Variants in SEMA5A observed in about 807,000 individuals in gnomAD.
The protein encoded by SEMA5A is semaphorin 5A, also known as semaphorin-5A.
SEMA5A carries 55 observed loss-of-function variants against 135.5 expected under a neutral mutation model. That is an observed-to-expected ratio of 0.41 (90% CI 0.33 to 0.51). The LOEUF (loss-of-function observed/expected upper bound fraction) is 0.51, where lower values mean the gene tolerates loss of function less well. Among genes scored for constraint, SEMA5A ranks in the 20% least tolerant of loss-of-function variants. The pLI is 0.37. For missense variants in SEMA5A, 1,290 were observed against 1,419.9 expected (o/e 0.91, Z 1.47); for synonymous variants, 580 against 546.5 (o/e 1.06, Z -0.85).
At chr5:9,376,467 C>G (rs1239969915) in intron 3 of SEMA5A, among the ~76,000 whole-genome samples, 1 of 152,178 alleles carries the variant, frequency 6.6e-6, no homozygotes, top group Non-Finnish European at 1.5e-5. Flanking sequence ...CTTTTTCAAC[C>G]ACCGTCCTAC....
intron 2 of SEMA5A, among the ~76,000 whole-genome samples, chr5:9,436,712 G>A (rs972760789): frequency 7.9e-5 from 12 of 152,200 alleles, no homozygotes; most frequent in African/African-American, 2.9e-4. Context: ...AACAATGGTA[G>A]TGTCTTTGCA....
chr5:9,082,245 G>A (rs1056564981), intron 16 of SEMA5A, among the ~76,000 whole-genome samples: 2 of 152,148 alleles, frequency 1.3e-5, no homozygotes, highest in Non-Finnish European at 2.9e-5. Context: ...TCTGCCCAAT[G>A]TAAACAGAAT....
intron 1 of SEMA5A, among the ~76,000 whole-genome samples, chr5:9,509,159 A>AGAG (rs4002390): frequency 0.97 from 147,852 of 152,116 alleles, 72,081 homozygotes; most frequent in Non-Finnish European, 1. Context: ...GGTGAAGAAA[A>AGAG]GAGCAGGATG....
chr5:9,375,051 T>C (rs1250276067), intron 3 of SEMA5A, among the ~76,000 whole-genome samples: 1 of 152,188 alleles, frequency 6.6e-6, no homozygotes, highest in Non-Finnish European at 1.5e-5. Flanking sequence ...AGCTGTTCCC[T>C]GCCCCTTATG....
chr5:9,322,378 C>A (rs1481149128), intron 4 of SEMA5A, among the ~76,000 whole-genome samples: 1 of 151,864 alleles, frequency 6.6e-6, no homozygotes, highest in African/African-American at 2.4e-5. Context: ...AAGGAAGGGG[C>A]AAAGAGGAGG....
intron 1 of SEMA5A, among the ~76,000 whole-genome samples, chr5:9,458,964 G>A (rs948783547): frequency 2.0e-5 from 3 of 152,180 alleles, no homozygotes; most frequent in African/African-American, 7.2e-5. Flanking sequence ...ACTGATTCAA[G>A]TAGTCTTGGA....
chr5:9,316,569 T>A (rs1181536505), intron 5 of SEMA5A, among the ~76,000 whole-genome samples: 1 of 152,204 alleles, frequency 6.6e-6, no homozygotes, highest in East Asian at 1.9e-4. Context: ...AATATGTAGT[T>A]TCTATCTACT....
intron 2 of SEMA5A, among the ~76,000 whole-genome samples, chr5:9,407,935 ATCATTG>A (rs1756950671): frequency 6.6e-6 from 1 of 151,906 alleles, no homozygotes; most frequent in African/African-American, 2.4e-5. Flanking sequence ...GACCACCATC[ATCATTG>A]TCAACACCAC....
intron 5 of SEMA5A, among the ~76,000 whole-genome samples, chr5:9,286,852 A>T (rs1324146758): frequency 6.6e-6 from 1 of 152,260 alleles, no homozygotes; most frequent in Admixed American, 6.5e-5. Context: ...GAGTGATAAG[A>T]TAGCTGAGAG....
At chr5:9,213,222 C>T (rs1275523486) in intron 8 of SEMA5A, among the ~76,000 whole-genome samples, 1 of 152,162 alleles carries the variant, frequency 6.6e-6, no homozygotes, top group Non-Finnish European at 1.5e-5. Context: ...TTTGGGAGGA[C>T]ATAAATGTTC....
intron 5 of SEMA5A, among the ~76,000 whole-genome samples, chr5:9,304,165 A>G (rs1169668429): frequency 6.6e-6 from 1 of 152,124 alleles, no homozygotes; most frequent in Admixed American, 6.5e-5. Flanking sequence ...TTTCTCTTGT[A>G]TACCTATTTA....
intron 5 of SEMA5A, among the ~76,000 whole-genome samples, chr5:9,255,448 C>T (rs924846374): frequency 1.1e-4 from 17 of 152,174 alleles, no homozygotes; most frequent in African/African-American, 3.6e-4. Context: ...CAAAGACATA[C>T]GGCTTGATCA....
intron 13 of SEMA5A, among the ~76,000 whole-genome samples, chr5:9,130,767 A>C (rs547892046): frequency 3.3e-5 from 5 of 152,184 alleles, no homozygotes; most frequent in African/African-American, 4.8e-5. Flanking sequence ...CTCTCTAAGC[A>C]TCATCTGTTG....
intron 1 of SEMA5A, among the ~76,000 whole-genome samples, chr5:9,481,510 C>T (rs1759875153): frequency 6.6e-6 from 1 of 152,062 alleles, no homozygotes; most frequent in Non-Finnish European, 1.5e-5. Flanking sequence ...ATATATAAAC[C>T]AACATAGTCC....
rs535325581 is a variant in SEMA5A at position 9,302,769 on chromosome 5, T to C, written c.270+15603A>G. 4.6e-5 allele frequency among the ~76,000 whole-genome samples: 7 copies of C among 152,288 alleles called. No individual in the cohort carries two copies. The South Asian group carries it at 1.5e-3, about 32-fold the overall frequency. ...TGCTGACGGTGAGAAAGAAGATACA[T>C]ATCCATTAGTTCAATGTGTTTTCCC... On this transcript the variant is annotated intron_variant, in intron 5 of 22. Coordinates refer to ENST00000382496, the MANE Select transcript of SEMA5A (RefSeq NM_003966.3).
At chr5:9,085,772 T>A (rs917451838) in intron 16 of SEMA5A, among the ~76,000 whole-genome samples, 2 of 152,100 alleles carry the variant, frequency 1.3e-5, no homozygotes, top group Admixed American at 1.3e-4. Context: ...GCCACCATCC[T>A]CAGACCCAAG....
intron 16 of SEMA5A, among the ~76,000 whole-genome samples, chr5:9,070,260 A>G (rs143705004): frequency 0.018 from 2,792 of 152,158 alleles, 96 homozygotes; most frequent in African/African-American, 0.064. Context: ...AGTCCCAGCT[A>G]CTCGGGAGGC....
intron 9 of SEMA5A, among the ~76,000 whole-genome samples, chr5:9,199,560 T>C (rs1745595808): frequency 1.3e-5 from 2 of 152,182 alleles, no homozygotes; most frequent in Admixed American, 6.5e-5. Flanking sequence ...AAAGCTGGAA[T>C]CAGTATGAAC....
At chr5:9,284,540 T>C (rs1750699294) in intron 5 of SEMA5A, among the ~76,000 whole-genome samples, 1 of 152,232 alleles carries the variant, frequency 6.6e-6, no homozygotes, top group African/African-American at 2.4e-5. Context: ...TCCTTTTCTA[T>C]AATGGATTGG....
Sources: allele counts gnomAD v4.1 joint callset (sites outside exome capture counted in the v4.1 genomes callset), GRCh38; gene constraint gnomAD v4.1.1; transcripts MANE v1.5; gene names NCBI Gene and HGNC (gene_info 2026-07-23, HGNC 2026-07-21).